NTM: variants seen among roughly 807,000 people sequenced by gnomAD.
NTM encodes the protein neurotrimin, also known as IgLON family member 2.
NTM carries 13 observed loss-of-function variants against 42.1 expected under a neutral mutation model. That is an observed-to-expected ratio of 0.31 (90% CI 0.20 to 0.49). NTM has a LOEUF of 0.49. Ranked by LOEUF, NTM falls within the 20% of genes least tolerant of loss-of-function variation. The pLI, the probability that NTM is intolerant of heterozygous loss-of-function variation, is 0.99. For missense variants in NTM, 373 were observed against 452.8 expected, an observed-to-expected ratio of 0.82 and a Z score of 1.60; for synonymous variants, 187 against 179.2, an observed-to-expected ratio of 1.04 and a Z score of -0.35.
intron 1 of NTM, among the ~76,000 whole-genome samples, chr11:131,637,920 T>G (rs2064617760): frequency 6.6e-6 from 1 of 152,118 alleles, no homozygotes; most frequent in Non-Finnish European, 1.5e-5. Context: ...CTGATTCTAG[T>G]CTCTTCCTAT....
At chr11:132,021,212 G>A (rs2074276484) in intron 2 of NTM, among the ~76,000 whole-genome samples, 1 of 151,886 alleles carries the variant, frequency 6.6e-6, no homozygotes, top group African/African-American at 2.4e-5. Flanking sequence ...TCCATAATTT[G>A]CATTTGGTTC....
chr11:131,847,439 C>T (rs2045045509), intron 1 of NTM, among the ~76,000 whole-genome samples: 1 of 151,882 alleles, frequency 6.6e-6, no homozygotes, highest in Non-Finnish European at 1.5e-5. Context: ...AGAAATAGAC[C>T]ATTGTACATC....
At chr11:131,960,409 G>A (rs1443561036) in intron 2 of NTM, among the ~76,000 whole-genome samples, 13 of 152,302 alleles carry the variant, frequency 8.5e-5, no homozygotes, top group South Asian at 6.2e-4. Context: ...CCATGTCACC[G>A]GCTGGATGCC....
intron 2 of NTM, among the ~76,000 whole-genome samples, chr11:132,111,115 CAGAG>C (rs1396647442): frequency 2.0e-5 from 2 of 98,794 alleles, no homozygotes; most frequent in African/African-American, 3.5e-5. Context: ...AAAAAAGAGA[CAGAG>C]AGAAAGAAAA....
At chr11:131,388,071 A>G (rs1943546563) in intron 1 of NTM, among the ~76,000 whole-genome samples, 1 of 152,198 alleles carries the variant, frequency 6.6e-6, no homozygotes, top group South Asian at 2.1e-4. Context: ...AGGAGTGTGA[A>G]GACTGAATGT....
chr11:132,225,375 T>G (rs1001282151), intron 4 of NTM, among the ~76,000 whole-genome samples: 1 of 150,488 alleles, frequency 6.6e-6, no homozygotes, highest in Non-Finnish European at 1.5e-5. Context: ...GTGACTTTAG[T>G]GCTGCAAGAA....
intron 2 of NTM, among the ~76,000 whole-genome samples, chr11:131,929,364 C>T (rs1351625484): frequency 6.6e-6 from 1 of 152,080 alleles, no homozygotes; most frequent in African/African-American, 2.4e-5. Flanking sequence ...AAGCCACAGG[C>T]CTTGGTGATG....
At chr11:131,977,885 C>A (rs1037239670) in intron 2 of NTM, among the ~76,000 whole-genome samples, 2 of 152,076 alleles carry the variant, frequency 1.3e-5, no homozygotes, top group Non-Finnish European at 2.9e-5. Context: ...GCAAAAACAG[C>A]CCAAAATAAT....
chr11:131,839,244 G>T (rs1262070947), intron 1 of NTM, among the ~76,000 whole-genome samples: 1 of 152,218 alleles, frequency 6.6e-6, no homozygotes, highest in Admixed American at 6.5e-5. Flanking sequence ...TTACAGGCGT[G>T]AGCCACCATG....
chr11:131,789,778 A>T (rs1030879085), intron 1 of NTM, among the ~76,000 whole-genome samples: 4 of 137,000 alleles, frequency 2.9e-5, no homozygotes, highest in African/African-American at 8.0e-5. Context: ...AACACGGTGA[A>T]ACCCCGTCTC....
At chr11:131,817,809 G>C (rs957114196) in intron 1 of NTM, among the ~76,000 whole-genome samples, 3 of 152,250 alleles carry the variant, frequency 2.0e-5, no homozygotes, top group African/African-American at 7.2e-5. Flanking sequence ...GCCCTTGCGG[G>C]CACTGACTAG....
At chr11:131,711,992 G>A (rs1209213899) in intron 1 of NTM, among the ~76,000 whole-genome samples, 1 of 99,998 alleles carries the variant, frequency 1.0e-5, no homozygotes, top group East Asian at 3.6e-4. Context: ...TGGGGTGGGG[G>A]GAGGGGGGAG....
intron 1 of NTM, among the ~76,000 whole-genome samples, chr11:131,557,661 T>G (rs2055629365): frequency 6.6e-6 from 1 of 151,994 alleles, no homozygotes; most frequent in Admixed American, 6.6e-5. Flanking sequence ...GGTCTTTGTG[T>G]TTGGCTGCAG....
At chr11:131,411,322 T>G (rs1180674657) in intron 1 of NTM, among the ~76,000 whole-genome samples, 1 of 152,222 alleles carries the variant, frequency 6.6e-6, no homozygotes, top group Non-Finnish European at 1.5e-5. Context: ...GACTTACCCT[T>G]CTTTCTAGCA....
At chr11:131,573,014 T>C (rs2057595544) in intron 1 of NTM, among the ~76,000 whole-genome samples, 2 of 152,104 alleles carry the variant, frequency 1.3e-5, no homozygotes, top group Admixed American at 1.3e-4. Context: ...CTCAGGACCA[T>C]GTAAAGATCT....
intron 1 of NTM, among the ~76,000 whole-genome samples, chr11:131,450,330 C>T (rs570234466): frequency 1.3e-5 from 2 of 152,254 alleles, no homozygotes; most frequent in South Asian, 2.1e-4. Flanking sequence ...CGAAGTGGCT[C>T]GTGGCTTCCA....
intron 2 of NTM, among the ~76,000 whole-genome samples, chr11:132,025,741 C>A (rs2075082956): frequency 6.6e-6 from 1 of 152,080 alleles, no homozygotes; most frequent in South Asian, 2.1e-4. Flanking sequence ...AGAAGCATTG[C>A]CCTAGAATGA....
intron 2 of NTM, among the ~76,000 whole-genome samples, chr11:132,013,466 A>G (rs2072689289): frequency 6.6e-6 from 1 of 152,148 alleles, no homozygotes; most frequent in Non-Finnish European, 1.5e-5. Context: ...TTAAAGAAAC[A>G]TAGCAGTTAA....
At chr11:132,288,896 T>C (rs1446641425) in intron 4 of NTM, among the ~76,000 whole-genome samples, 2 of 152,140 alleles carry the variant, frequency 1.3e-5, no homozygotes, top group African/African-American at 4.8e-5. Flanking sequence ...GCTGGGATTA[T>C]AGGAGTGAGC....
Sources: gnomAD v4.1 joint callset for allele counts (sites outside exome capture counted in the v4.1 genomes callset) on GRCh38, gnomAD v4.1.1 for gene constraint, MANE v1.5 for transcripts, NCBI Gene and HGNC (gene_info 2026-07-23, HGNC 2026-07-21) for gene names.